Variants in KCNQ5 observed in about 807,000 individuals in gnomAD.
The protein encoded by KCNQ5 is potassium voltage-gated channel subfamily KQT member 5.
A neutral mutation model predicts 98.2 loss-of-function variants in KCNQ5; 30 were observed. The ratio of observed to expected loss-of-function variants is 0.31; its 90% CI spans 0.23 to 0.41. The LOEUF (loss-of-function observed/expected upper bound fraction) is 0.41, where lower values mean the gene tolerates loss of function less well. KCNQ5 is among the 10% of genes least tolerant of loss of function. The pLI is 1.00. For synonymous variants in KCNQ5, 458 were observed against 449.4 expected (o/e 1.02, Z -0.24); for missense variants, 835 against 1,182.5 (o/e 0.71, Z 4.31).
intron 1 of KCNQ5, among the ~76,000 whole-genome samples, chr6:72,818,450 T>A (rs1177730735): frequency 2.0e-5 from 3 of 152,100 alleles, no homozygotes; most frequent in African/African-American, 7.2e-5. Flanking sequence ...TTTTTCTGAG[T>A]ACTATACATT....
intron 3 of KCNQ5, among the ~76,000 whole-genome samples, chr6:73,066,279 G>C (rs570995260): frequency 6.6e-6 from 1 of 152,144 alleles, no homozygotes; most frequent in East Asian, 1.9e-4. Flanking sequence ...TTCACATTAA[G>C]ATAGAGCACC....
At chr6:72,921,992 G>A (rs1300883969) in intron 1 of KCNQ5, among the ~76,000 whole-genome samples, 1 of 152,148 alleles carries the variant, frequency 6.6e-6, no homozygotes, top group Non-Finnish European at 1.5e-5. Flanking sequence ...TCCAAAAAAG[G>A]TTGTGGGTGG....
At chr6:73,186,541 T>C (rs2150520182) in intron 11 of KCNQ5, among the ~76,000 whole-genome samples, 1 of 152,304 alleles carries the variant, frequency 6.6e-6, no homozygotes, top group African/African-American at 2.4e-5. Context: ...GTCATAGCTG[T>C]TTTCAAACTA....
At chr6:73,107,096 G>A (rs1472016274) in intron 6 of KCNQ5, among the ~76,000 whole-genome samples, 2 of 152,090 alleles carry the variant, frequency 1.3e-5, no homozygotes, top group South Asian at 2.1e-4. Flanking sequence ...ACAATACAAC[G>A]CAGTCTTGGG....
chr6:72,766,249 G>A (rs1772564741), intron 1 of KCNQ5, among the ~76,000 whole-genome samples: 1 of 151,970 alleles, frequency 6.6e-6, no homozygotes, highest in Non-Finnish European at 1.5e-5. Flanking sequence ...ACAGCACTAT[G>A]GCTGGAGCAC....
chr6:72,740,859 T>A (rs1290420527), intron 1 of KCNQ5, among the ~76,000 whole-genome samples: 1 of 152,202 alleles, frequency 6.6e-6, no homozygotes, highest in Non-Finnish European at 1.5e-5. Context: ...CCAGTCTCCT[T>A]TACCTGCCCT....
At chr6:72,980,077 A>G (rs559654625) in intron 1 of KCNQ5, among the ~76,000 whole-genome samples, 51 of 152,260 alleles carry the variant, frequency 3.3e-4, no homozygotes, top group African/African-American at 1.2e-3. Context: ...TGGTTACTGT[A>G]GCCTTGTAGT....
At chr6:72,857,611 C>A (rs1313202078) in intron 1 of KCNQ5, among the ~76,000 whole-genome samples, 1 of 152,192 alleles carries the variant, frequency 6.6e-6, no homozygotes, top group Admixed American at 6.5e-5. Flanking sequence ...AAGTGAGCAT[C>A]TATCCAGTGA....
At chr6:72,655,155 G>T (rs1392019502) in intron 1 of KCNQ5, among the ~76,000 whole-genome samples, 1 of 142,474 alleles carries the variant, frequency 7.0e-6, no homozygotes, top group Non-Finnish European at 1.5e-5. Context: ...TGTTTCAGTA[G>T]CTATGTGCAA....
intron 13 of KCNQ5, among the ~76,000 whole-genome samples, chr6:73,193,961 C>T (rs1765692285): frequency 1.3e-5 from 2 of 151,696 alleles, no homozygotes. Flanking sequence ...CTCAGCCTTC[C>T]TAGCAGCTGG....
chr6:72,892,798 C>T lies in KCNQ5; in HGVS notation c.399-111110C>T, dbSNP rs571796104. Reference sequence around the variant, plus strand: ...ATTCATAGCAGAAAGTATCAGTTTTCGGAAGCTCTTCTGCTCTGAATTAAA... The same window carrying T: ...ATTCATAGCAGAAAGTATCAGTTTTTGGAAGCTCTTCTGCTCTGAATTAAA... On this transcript the variant is annotated intron_variant, in intron 1 of 13. Coordinates refer to ENST00000370398, the MANE Select transcript of KCNQ5 (RefSeq NM_019842.4). Among the ~76,000 whole-genome samples the T allele has an allele frequency of 4.4e-4, 67 of 151,256 alleles. No homozygotes were observed. The South Asian group carries it at 0.012, about 26-fold the overall frequency.
intron 11 of KCNQ5, among the ~76,000 whole-genome samples, chr6:73,170,078 A>G (rs1717090601): frequency 6.7e-6 from 1 of 148,816 alleles, no homozygotes; most frequent in South Asian, 2.1e-4. Context: ...TTGAAAAGCC[A>G]GGTCATATTA....
chr6:73,004,737 C>T (rs1375022370), intron 2 of KCNQ5, among the ~76,000 whole-genome samples: 2 of 152,254 alleles, frequency 1.3e-5, no homozygotes, highest in African/African-American at 4.8e-5. Flanking sequence ...ACTATTTTGA[C>T]CCACTCACTT....
At position 73,011,350 on chromosome 6, in the gene KCNQ5, C is replaced by T. The variant is rs142784268; in HGVS notation, c.489+7352C>T. The stretch of plus-strand genomic sequence containing the variant: ...GTCCAGAAATAAACCCACACACTTA[C>T]GGTCAAATGATTTTTGACCATTCAG... On this transcript the variant is annotated intron_variant, in intron 2 of 13. Coordinates refer to ENST00000370398, the MANE Select transcript of KCNQ5 (RefSeq NM_019842.4). Among the ~76,000 whole-genome samples, 183 of 152,116 alleles carry T rather than the reference C, an allele frequency of 1.2e-3. 1 individual carries two copies. The highest frequency in any genetic ancestry group is 4.1e-3 in the African/African-American group (169 of 41,538).
chr6:73,109,561 A>G (rs910928282), intron 6 of KCNQ5, among the ~76,000 whole-genome samples: 2 of 152,264 alleles, frequency 1.3e-5, no homozygotes, highest in Admixed American at 6.5e-5. Flanking sequence ...GATCTTACAC[A>G]GCAGAAAAAA....
chr6:72,798,622 G>T (rs1257079225), intron 1 of KCNQ5, among the ~76,000 whole-genome samples: 1 of 152,054 alleles, frequency 6.6e-6, no homozygotes, highest in Non-Finnish European at 1.5e-5. Flanking sequence ...CCAGTCTCAG[G>T]TATTCTGTTA....
chr6:73,149,656 G>C (rs1346848608), intron 10 of KCNQ5, among the ~76,000 whole-genome samples: 1 of 152,146 alleles, frequency 6.6e-6, no homozygotes, highest in Non-Finnish European at 1.5e-5. Context: ...AATTAGCTGG[G>C]CGATGTGGCA....
chr6:72,976,542 T>C (rs1347571934), intron 1 of KCNQ5, among the ~76,000 whole-genome samples: 1 of 152,208 alleles, frequency 6.6e-6, no homozygotes, highest in African/African-American at 2.4e-5. Context: ...CCCTTACAAA[T>C]AACTTTTATT....
At chr6:73,055,598 G>A (rs1772448300) in intron 3 of KCNQ5, 3 of 1,327,268 alleles carry the variant, frequency 2.3e-6, no homozygotes, top group African/African-American at 1.4e-5. Flanking sequence ...GAATGAAGAA[G>A]TATTTCCCCA....
Sources: allele counts gnomAD v4.1 joint callset (sites outside exome capture counted in the v4.1 genomes callset), GRCh38; gene constraint gnomAD v4.1.1; transcripts MANE v1.5; gene names NCBI Gene and HGNC (gene_info 2026-07-23, HGNC 2026-07-21).